Variants in ARID4B observed in about 807,000 individuals in gnomAD.
ARID4B encodes the protein AT-rich interactive domain-containing protein 4B.
Under a neutral mutation model 147.5 loss-of-function variants are expected in ARID4B, and 26 were observed. The ratio of observed to expected loss-of-function variants is 0.18; its 90% CI spans 0.13 to 0.24. ARID4B has a LOEUF of 0.24. Ranked by LOEUF, ARID4B falls within the 10% of genes least tolerant of loss-of-function variation. The probability of loss-of-function intolerance (pLI) is 1.00; values close to 1 mark genes in which losing one functional copy is unlikely to be tolerated. For missense variants in ARID4B, 1,179 were observed against 1,511.5 expected, an observed-to-expected ratio of 0.78 and a Z score of 3.65; for synonymous variants, 512 against 507.9, an observed-to-expected ratio of 1.01 and a Z score of -0.11.
intron 2 of ARID4B, among the ~76,000 whole-genome samples, chr1:235,293,385 A>C (rs760335790): frequency 1.3e-5 from 2 of 152,240 alleles, no homozygotes; most frequent in African/African-American, 4.8e-5. Context: ...TTCACAAAGT[A>C]GACATTAAAC....
intron 7 of ARID4B, among the ~76,000 whole-genome samples, chr1:235,245,279 C>T (rs1186994295): frequency 2.0e-5 from 3 of 152,082 alleles, no homozygotes; most frequent in African/African-American, 4.8e-5. Flanking sequence ...ATTCACAAAA[C>T]GGACGCCTCA....
chr1:235,200,367 G>A (rs1409759741), intron 17 of ARID4B, among the ~76,000 whole-genome samples: 1 of 152,158 alleles, frequency 6.6e-6, no homozygotes, highest in Non-Finnish European at 1.5e-5. Flanking sequence ...GCTGAGGCAG[G>A]AGAAGAGCTT....
intron 2 of ARID4B, among the ~76,000 whole-genome samples, chr1:235,308,096 T>TA (rs1248319819): frequency 8.2e-5 from 11 of 134,816 alleles, no homozygotes; most frequent in Non-Finnish European, 1.5e-4. Context: ...TTTTTTTTTT[T>TA]TTTTTTTTTG....
At chr1:235,201,419 C>T (rs921777506) in intron 17 of ARID4B, among the ~76,000 whole-genome samples, 1 of 151,990 alleles carries the variant, frequency 6.6e-6, no homozygotes, top group African/African-American at 2.4e-5. Flanking sequence ...CCTTGACCTC[C>T]CAGTATCAAT....
chr1:235,208,441 T>C (rs1412988929), intron 17 of ARID4B, among the ~76,000 whole-genome samples: 2 of 152,162 alleles, frequency 1.3e-5, no homozygotes, highest in African/African-American at 4.8e-5. Context: ...TTTTTAAATG[T>C]AGGGAGACAT....
At chr1:235,265,237 G>A (rs929422237) in intron 2 of ARID4B, among the ~76,000 whole-genome samples, 1 of 151,682 alleles carries the variant, frequency 6.6e-6, no homozygotes, top group Non-Finnish European at 1.5e-5. Context: ...GTGGTGGCGG[G>A]CGCCTGTAAT....
Position 235,240,454 on chromosome 1 carries a change from A to G in ARID4B, c.447-3T>C. On this transcript the variant is annotated splice_polypyrimidine_tract_variant and splice_region_variant and intron_variant, in intron 7 of 23. Transcript: ENST00000264183. The stretch of plus-strand genomic sequence containing the variant: ...ATGATGAAGACTCTTCCTCTGGTCT[A>G]GGGAGAGAAAAAAATAAAATATTTC... 3.7e-6 allele frequency: 6 copies of G among 1,611,772 alleles called. No individual in the cohort carries two copies. Among genetic ancestry groups the G allele is most frequent in the Non-Finnish European group, 5.1e-6 (6 of 1,178,486 alleles).
intron 2 of ARID4B, among the ~76,000 whole-genome samples, chr1:235,271,047 G>A (rs531971291): frequency 1.4e-3 from 210 of 151,912 alleles, no homozygotes; most frequent in East Asian, 7.7e-4. Flanking sequence ...ATTTAAAAGA[G>A]TTTGATTTAA....
At chr1:235,183,784 CTTTA>C in intron 19 of ARID4B, among the ~76,000 whole-genome samples, 1 of 151,562 alleles carries the variant, frequency 6.6e-6, no homozygotes, top group Non-Finnish European at 1.5e-5. Flanking sequence ...CTTTCTCTTT[CTTTA>C]TTTCTCTCTC....
rs1553304359 is a variant in ARID4B at position 235,255,267 on chromosome 1, A to AGATAGATCTATCTATCTATCTATCTATC, written c.274+392_274+393insGATAGATAGATAGATAGATAGATCTATC. On this transcript the variant is annotated intron_variant, in intron 5 of 23. Coordinates refer to ENST00000264183, the MANE Select transcript of ARID4B (RefSeq NM_016374.6). ...GATAGATAGATAGATAGATAGATAT[A>AGATAGATCTATCTATCTATCTATCTATC]TATCTCTCTCTCTCTCTCTCTATAT... Among the ~76,000 whole-genome samples, 286 of 137,224 alleles carry AGATAGATCTATCTATCTATCTATCTATC rather than the reference A, an allele frequency of 2.1e-3. 8 individuals carry two copies. The highest frequency in any genetic ancestry group is 6.5e-3 in the South Asian group (25 of 3,848). The allele number at this position is 137,224 out of a possible 152,430, so 90.0% of individuals were successfully genotyped here.
intron 3 of ARID4B, among the ~76,000 whole-genome samples, chr1:235,257,533 A>C (rs764891125): frequency 6.6e-6 from 1 of 150,702 alleles, no homozygotes; most frequent in East Asian, 1.9e-4. Context: ...CCCAGGTTGG[A>C]GTGCAGTAGC....
chr1:235,282,147 T>C (rs920242731), intron 2 of ARID4B, among the ~76,000 whole-genome samples: 1 of 152,232 alleles, frequency 6.6e-6, no homozygotes, highest in Admixed American at 6.5e-5. Flanking sequence ...AATCTAACAA[T>C]GTCTTCAGGG....
intron 2 of ARID4B, among the ~76,000 whole-genome samples, chr1:235,289,934 G>A (rs1025498518): frequency 6.6e-6 from 1 of 151,882 alleles, no homozygotes; most frequent in African/African-American, 2.4e-5. Context: ...GGAGGCTGAG[G>A]CAGAAGAACT....
chr1:235,214,213 G>A (rs1339126453), intron 16 of ARID4B, among the ~76,000 whole-genome samples, 187 bp from the exon 17 acceptor site: 1 of 152,060 alleles, frequency 6.6e-6, no homozygotes, highest in Admixed American at 6.6e-5. Flanking sequence ...CAAGGTTACA[G>A]AAAGACACAT....
chr1:235,211,012 C>CT (rs991707424), intron 17 of ARID4B, among the ~76,000 whole-genome samples: 3 of 152,110 alleles, frequency 2.0e-5, no homozygotes, highest in African/African-American at 7.2e-5. Flanking sequence ...TCTACTAAGC[C>CT]TTTTTTGTTT....
At chr1:235,319,233 T>G (rs1674649914) in intron 2 of ARID4B, among the ~76,000 whole-genome samples, 1 of 152,206 alleles carries the variant, frequency 6.6e-6, no homozygotes, top group South Asian at 2.1e-4. Context: ...AAAGGTGAAT[T>G]TGGTGAGGCG....
intron 13 of ARID4B, among the ~76,000 whole-genome samples, chr1:235,222,965 G>A (rs190112649): frequency 2.4e-3 from 365 of 152,218 alleles, no homozygotes; most frequent in Middle Eastern, 3.4e-3. Flanking sequence ...TTGCAGGCAT[G>A]AGCCACCATG....
At chr1:235,234,278 T>C (rs1321834968) in intron 9 of ARID4B, 135 bp downstream of exon 9, 2 of 622,348 alleles carry the variant, frequency 3.2e-6, no homozygotes, top group South Asian at 1.9e-5. Context: ...ACAGTGACTC[T>C]TTGAAACATT....
chr1:235,296,214 G>A (rs1672695829), intron 2 of ARID4B: 1 of 157,298 alleles, frequency 6.4e-6, no homozygotes, highest in Admixed American at 6.4e-5. Flanking sequence ...AACAGGCTAA[G>A]AAAAAGCTCT....
Sources: allele counts gnomAD v4.1 joint callset (sites outside exome capture counted in the v4.1 genomes callset), GRCh38; gene constraint gnomAD v4.1.1; transcripts MANE v1.5; gene names NCBI Gene and HGNC (gene_info 2026-07-23, HGNC 2026-07-21).